ATP8B1: variants seen among roughly 807,000 people sequenced by gnomAD.
ATP8B1 encodes the protein phospholipid-transporting ATPase IC.
A neutral mutation model predicts 149.9 loss-of-function variants in ATP8B1; 80 were observed. That is an observed-to-expected ratio of 0.53 (90% CI 0.45 to 0.64). ATP8B1 has a LOEUF of 0.64. Among genes scored for constraint, ATP8B1 ranks in the 30% least tolerant of loss-of-function variants. The probability of loss-of-function intolerance (pLI) is 0.00; values close to 1 mark genes in which losing one functional copy is unlikely to be tolerated. For synonymous variants in ATP8B1, 536 were observed against 562.8 expected, an observed-to-expected ratio of 0.95 and a Z score of 0.67; for missense variants, 1,247 against 1,552.6, an observed-to-expected ratio of 0.80 and a Z score of 3.31.
chr18:57,776,552 C>T (rs1329588049), intron 1 of ATP8B1, among the ~76,000 whole-genome samples: 1 of 152,150 alleles, frequency 6.6e-6, no homozygotes. Context: ...CAGATCTGCC[C>T]ACTGAGGTGA....
intron 2 of ATP8B1, among the ~76,000 whole-genome samples, chr18:57,717,722 GT>G (rs1441270857): frequency 1.3e-5 from 2 of 151,350 alleles, no homozygotes; most frequent in African/African-American, 4.9e-5. Flanking sequence ...ACGGTTTTTT[GT>G]TTTGGTTTGG....
At chr18:57,674,171 G>C (rs1354042654) in intron 16 of ATP8B1, among the ~76,000 whole-genome samples, 1 of 146,826 alleles carries the variant, frequency 6.8e-6, no homozygotes, top group Non-Finnish European at 1.5e-5. Flanking sequence ...GCTTGAACCT[G>C]GGAGGCGGAG....
At chr18:57,731,915 C>G in intron 1 of ATP8B1, 83 bp from the exon 2 acceptor site, 1 of 1,211,520 alleles carries the variant, frequency 8.3e-7, no homozygotes, top group South Asian at 1.2e-5. Flanking sequence ...GCTACAATGC[C>G]CCTTTTACAG....
rs546323952 is a variant in ATP8B1 at position 57,698,709 on chromosome 18, A to G, written c.555-842T>C. On this transcript the variant is annotated intron_variant, in intron 6 of 27. Transcript: ENST00000648908. Reference sequence around the variant, plus strand: ...CTTTAAGGCCCTGAGGCTACACTCAAATTGGATTATGGTCAGTTGTCTGAT... The same window carrying G: ...CTTTAAGGCCCTGAGGCTACACTCAGATTGGATTATGGTCAGTTGTCTGAT... 6.6e-4 allele frequency among the ~76,000 whole-genome samples: 101 copies of G among 152,286 alleles called. 1 individual carries two copies. The highest frequency in any genetic ancestry group is 8.7e-4 in the Non-Finnish European group (59 of 68,010).
At chr18:57,666,797 A>C (rs990611509) in intron 20 of ATP8B1, among the ~76,000 whole-genome samples, 3 of 152,108 alleles carry the variant, frequency 2.0e-5, no homozygotes, top group Admixed American at 1.3e-4. Context: ...CGGCCTCCCA[A>C]AGGGCTGGGA....
At chr18:57,779,816 G>A (rs2080342019) in intron 1 of ATP8B1, among the ~76,000 whole-genome samples, 1 of 149,116 alleles carries the variant, frequency 6.7e-6, no homozygotes, top group South Asian at 2.1e-4. Context: ...AGAATTGCTT[G>A]AAAACTGGAA....
chr18:57,797,874 T>C (rs998097155), intron 1 of ATP8B1, among the ~76,000 whole-genome samples: 15 of 151,926 alleles, frequency 9.9e-5, no homozygotes, highest in Non-Finnish European at 1.8e-4. Flanking sequence ...ACCTGGCTAA[T>C]TTTTGTATTT....
At chr18:57,721,840 G>C (rs1286160009) in intron 2 of ATP8B1, among the ~76,000 whole-genome samples, 4 of 84,232 alleles carry the variant, frequency 4.7e-5, no homozygotes, top group Admixed American at 1.4e-4. Context: ...TGACCACATA[G>C]TTGGAAGTAA....
At chr18:57,709,135 TA>T (rs2122992218) in intron 2 of ATP8B1, among the ~76,000 whole-genome samples, 1 of 152,342 alleles carries the variant, frequency 6.6e-6, no homozygotes, top group East Asian at 1.9e-4. Flanking sequence ...TTGTTTGGCC[TA>T]ATTCAGACAA....
intron 1 of ATP8B1, among the ~76,000 whole-genome samples, chr18:57,756,449 T>C (rs8087390): frequency 0.84 from 126,758 of 150,746 alleles, 54,239 homozygotes; most frequent in African/African-American, 0.96. Context: ...TACAGGCGCC[T>C]GCCACCATGC....
chr18:57,789,621 A>C (rs1017934944), intron 1 of ATP8B1, among the ~76,000 whole-genome samples: 1 of 152,214 alleles, frequency 6.6e-6, no homozygotes. Flanking sequence ...GCAAGTTCCT[A>C]TACCATACAA....
chr18:57,670,818 T>C (rs552695387), intron 17 of ATP8B1, among the ~76,000 whole-genome samples: 8 of 152,252 alleles, frequency 5.3e-5, no homozygotes, highest in South Asian at 2.1e-4. Context: ...GCGATTCTCC[T>C]GCCTCAGCTT....
chr18:57,725,551 A>G (rs2079698097), intron 2 of ATP8B1, among the ~76,000 whole-genome samples: 1 of 152,224 alleles, frequency 6.6e-6, no homozygotes, highest in Non-Finnish European at 1.5e-5. Context: ...TATGGGAACC[A>G]CAGAAGACCC....
intron 1 of ATP8B1, among the ~76,000 whole-genome samples, chr18:57,755,182 T>C (rs1189464609): frequency 1.3e-5 from 2 of 152,204 alleles, no homozygotes; most frequent in East Asian, 1.9e-4. Flanking sequence ...TAATTGTGCA[T>C]TGGAGAACCC....
chr18:57,792,739 T>G (rs1028772150), intron 1 of ATP8B1, among the ~76,000 whole-genome samples: 3 of 152,096 alleles, frequency 2.0e-5, no homozygotes, highest in Non-Finnish European at 2.9e-5. Context: ...AAGGCTGAAC[T>G]GTATGGTACA....
intron 1 of ATP8B1, among the ~76,000 whole-genome samples, chr18:57,757,655 T>A (rs2136444): frequency 0.76 from 116,218 of 152,206 alleles, 44,883 homozygotes; most frequent in African/African-American, 0.86. Context: ...CCCATTTCCT[T>A]TCTATATGTT....
intron 6 of ATP8B1, among the ~76,000 whole-genome samples, chr18:57,698,573 G>C (rs1048057342): frequency 2.0e-5 from 3 of 152,080 alleles, no homozygotes; most frequent in South Asian, 2.1e-4. Flanking sequence ...GACCTCAGGT[G>C]ATCCACCCAC....
chr18:57,695,301 G>A lies in ATP8B1; in HGVS notation c.810C>T (p.Asn270=). The change falls in exon 10 of 28, where the codon AAC becomes AAT. Residue 270 remains asparagine (N), a synonymous_variant. Coordinates refer to ENST00000648908, the MANE Select transcript of ATP8B1 (RefSeq NM_001374385.1). ...DGFIECEEPN[N]RLDKFTGTLF... Reference sequence around the variant, plus strand: ...GTGTTCCTGTAAACTTATCTAGTCTGTTATTGGGTTCTTCACATTCAATAA... The same window carrying A: ...GTGTTCCTGTAAACTTATCTAGTCTATTATTGGGTTCTTCACATTCAATAA... The A allele has an allele frequency of 1.2e-6, 2 of 1,604,862 alleles. No individual in the cohort carries two copies. Among genetic ancestry groups the A allele is most frequent in the Non-Finnish European group, 1.7e-6 (2 of 1,171,592 alleles).
chr18:57,802,675 C>G lies in ATP8B1; in HGVS notation c.-26+323G>C, dbSNP rs1160543962. Among the ~76,000 whole-genome samples the G allele has an allele frequency of 6.6e-6, 1 of 152,226 alleles. No homozygotes were observed. Among genetic ancestry groups the G allele is most frequent in the Non-Finnish European group, 1.5e-5 (1 of 68,036 alleles). On this transcript the variant is annotated intron_variant, in intron 1 of 27. Coordinates refer to ENST00000648908, the MANE Select transcript of ATP8B1 (RefSeq NM_001374385.1). This position sits in a 1 kb window ranked among gnomAD's most constrained non-coding sequence, Gnocchi z 4.9. ...CGCAAGCCCTACCTGGCTTAACCCC[C>G]GGACATGTGTGTCGCTACCGATCGA... is the stretch of plus-strand genomic sequence containing the variant.
Sources: gnomAD v4.1 joint callset for allele counts (sites outside exome capture counted in the v4.1 genomes callset) on GRCh38, gnomAD v4.1.1 for gene constraint, Gnocchi (gnomAD v3.1) non-coding constraint, MANE v1.5 for transcripts, NCBI Gene and HGNC (gene_info 2026-07-23, HGNC 2026-07-21) for gene names.